LHX8: variants seen among roughly 807,000 people sequenced by gnomAD.
LHX8 encodes LIM homeobox 8.
A neutral mutation model predicts 40.3 loss-of-function variants in LHX8; 12 were observed. That is an observed-to-expected ratio of 0.30 (90% CI 0.19 to 0.48). The LOEUF (loss-of-function observed/expected upper bound fraction) is 0.48. Ranked by LOEUF, LHX8 falls within the 20% of genes least tolerant of loss-of-function variation. LHX8 has a pLI of 0.99. For missense variants in LHX8, 344 were observed against 433.7 expected (o/e 0.79, Z 1.84); for synonymous variants, 179 against 162.0 (o/e 1.10, Z -0.80).
chr1:75,187,570 G>T, the LHX8 span, among the ~76,000 whole-genome samples: 1 of 152,102 alleles, frequency 6.6e-6, no homozygotes, highest in South Asian at 2.1e-4. Flanking sequence ...GCTCTGGTGG[G>T]TTCATTTGGA....
At chr1:75,192,328 GTTT>G in the LHX8 span, among the ~76,000 whole-genome samples, 1 of 152,290 alleles carries the variant, frequency 6.6e-6, no homozygotes, top group East Asian at 1.9e-4. Flanking sequence ...ACTTCCTCAA[GTTT>G]TCCTACAGAA....
intron 7 of LHX8, among the ~76,000 whole-genome samples, chr1:75,154,026 C>T (rs1364375192): frequency 2.6e-5 from 4 of 152,108 alleles, no homozygotes; most frequent in Non-Finnish European, 4.4e-5. Context: ...TCCATTATAT[C>T]TACATGGCCT....
chr1:75,173,272 A>G, the LHX8 span, among the ~76,000 whole-genome samples: 6,980 of 151,806 alleles, frequency 0.046, 486 homozygotes, highest in African/African-American at 0.14. Context: ...AGTTATTACC[A>G]TCCCTATTTC....
chr1:75,169,776 A>G, the LHX8 span, among the ~76,000 whole-genome samples: 1 of 152,180 alleles, frequency 6.6e-6, no homozygotes, highest in Non-Finnish European at 1.5e-5. Flanking sequence ...TTTATTCCCC[A>G]GAAGCCTGAT....
intron 1 of LHX8, chr1:75,128,646 G>A (rs1303199532): frequency 1.3e-5 from 2 of 152,216 alleles, no homozygotes; most frequent in African/African-American, 4.8e-5. Context: ...GTAGGGTTGT[G>A]TGCCATAACG....
At chr1:75,140,171 C>T (rs530042958) in intron 3 of LHX8, among the ~76,000 whole-genome samples, 2 of 152,200 alleles carry the variant, frequency 1.3e-5, no homozygotes, top group South Asian at 4.1e-4. Context: ...ATGACTTGTT[C>T]CCTGGATTGA....
chr1:75,136,015 G>C (rs2100329250), intron 1 of LHX8, among the ~76,000 whole-genome samples: 1 of 152,258 alleles, frequency 6.6e-6, no homozygotes, highest in East Asian at 1.9e-4. Flanking sequence ...CAAACACCAG[G>C]CTTCTTAAAT....
the LHX8 span, among the ~76,000 whole-genome samples, chr1:75,170,300 AG>A: frequency 6.6e-6 from 1 of 152,208 alleles, no homozygotes; most frequent in Admixed American, 6.5e-5. Context: ...TCTTTAACCC[AG>A]GGAGTTAGGT....
chr1:75,183,410 T>A, the LHX8 span, among the ~76,000 whole-genome samples: 1 of 152,050 alleles, frequency 6.6e-6, no homozygotes, highest in African/African-American at 2.4e-5. Context: ...GGGAACCTCA[T>A]CAGGCTAACA....
intron 4 of LHX8, among the ~76,000 whole-genome samples, chr1:75,141,356 G>A (rs917841903): frequency 2.0e-5 from 3 of 152,040 alleles, no homozygotes; most frequent in African/African-American, 7.3e-5. Context: ...GTGAAAGTTT[G>A]AGGCATTACA....
At chr1:75,129,724 G>A (rs1233338529), upstream of LHX8, among the ~76,000 whole-genome samples, 2 of 152,204 alleles carry the variant, frequency 1.3e-5, no homozygotes, top group Non-Finnish European at 2.9e-5. Flanking sequence ...CACACTGGCC[G>A]AGTTGGGCTT....
intron 4 of LHX8, among the ~76,000 whole-genome samples, chr1:75,141,696 G>A (rs556780749): frequency 3.9e-5 from 6 of 152,174 alleles, no homozygotes; most frequent in African/African-American, 1.4e-4. Context: ...CACATTTTCT[G>A]CGTGTGATCT....
At chr1:75,144,186 G>C (rs1417054366) in intron 6 of LHX8, among the ~76,000 whole-genome samples, 1 of 151,990 alleles carries the variant, frequency 6.6e-6, no homozygotes, top group African/African-American at 2.4e-5. Flanking sequence ...GGGGTCTATT[G>C]GTATCAACAT....
chr1:75,130,474 C>A (rs1647933075), upstream of LHX8: 2 of 582,498 alleles, frequency 3.4e-6, no homozygotes, highest in South Asian at 2.2e-5. Flanking sequence ...CCGGGTGTCC[C>A]GCGTGGAGCA....
chr1:75,157,714 T>C (rs1648807729), intron 8 of LHX8, among the ~76,000 whole-genome samples: 1 of 152,204 alleles, frequency 6.6e-6, no homozygotes, highest in South Asian at 2.1e-4. Flanking sequence ...TTCAATTACA[T>C]TGTGAGATTC....
At chr1:75,136,872 C>T (rs966467608) in intron 2 of LHX8, among the ~76,000 whole-genome samples, 183 bp downstream of exon 2, 1 of 151,728 alleles carries the variant, frequency 6.6e-6, no homozygotes, top group Admixed American at 6.6e-5. Flanking sequence ...AGGGCAGGGC[C>T]GCAAGACTTC....
chr1:75,169,428 T>C, the LHX8 span, among the ~76,000 whole-genome samples: 12 of 152,150 alleles, frequency 7.9e-5, no homozygotes, highest in South Asian at 2.1e-4. Flanking sequence ...AGCACAGTAT[T>C]TGGCATATTG....
At chr1:75,130,418 G>C, upstream of LHX8, 1 of 538,518 alleles carries the variant, frequency 1.9e-6, no homozygotes, top group Non-Finnish European at 3.3e-6. Context: ...AGTGAGGAAT[G>C]CCGCGGGGCG....
chr1:75,168,203 G>A, the LHX8 span, among the ~76,000 whole-genome samples: 1 of 152,118 alleles, frequency 6.6e-6, no homozygotes. Flanking sequence ...TGGTCGGATA[G>A]GTATCTAGTC....
Sources: gnomAD v4.1 joint callset for allele counts (sites outside exome capture counted in the v4.1 genomes callset) on GRCh38, gnomAD v4.1.1 for gene constraint, MANE v1.5 for transcripts, NCBI Gene and HGNC (gene_info 2026-07-23, HGNC 2026-07-21) for gene names.